The following YWHAG variants were observed in gnomAD, a reference collection of about 807,000 sequenced individuals.
YWHAG encodes the protein 14-3-3 protein gamma.
YWHAG carries 1 observed loss-of-function variant against 23.3 expected under a neutral mutation model. That is an observed-to-expected ratio of 0.04 (90% CI 0.02 to 0.20). The LOEUF (loss-of-function observed/expected upper bound fraction) is 0.20, where lower values mean the gene tolerates loss of function less well. YWHAG is among the 10% of genes least tolerant of loss of function. The pLI is 1.00. For synonymous variants in YWHAG, 160 were observed against 144.0 expected (o/e 1.11, Z -0.80); for missense variants, 151 against 338.6 (o/e 0.45, Z 4.35).
intron 1 of YWHAG, 102 bp from the exon 2 acceptor site, chr7:76,330,335 G>A (rs1313785189): frequency 1.6e-6 from 2 of 1,229,076 alleles, no homozygotes; most frequent in African/African-American, 1.5e-5. Context: ...GTAACATGAT[G>A]AACAGAAGGA....
intron 1 of YWHAG, among the ~76,000 whole-genome samples, chr7:76,341,513 C>T (rs1278762395): frequency 1.3e-5 from 2 of 150,472 alleles, no homozygotes; most frequent in African/African-American, 2.4e-5. Context: ...AAATGAGGAA[C>T]GGCTGAACAA....
intron 1 of YWHAG, among the ~76,000 whole-genome samples, chr7:76,348,632 C>T (rs1583991667): frequency 6.6e-6 from 1 of 151,998 alleles, no homozygotes; most frequent in South Asian, 2.1e-4. Flanking sequence ...TCTTGATCTC[C>T]TAACCTCGTG....
In YWHAG at chr7:76,357,700, C is replaced by T. The variant is rs1803981727; in HGVS notation, c.87+1022G>A. ...TAACAACCAAAAATTTTTAAAAAGA[C>T]TTTTTCCCCTTTAAAATAACTCCTC... On this transcript the variant is annotated intron_variant, in intron 1 of 1. Transcript: ENST00000307630. Among the ~76,000 whole-genome samples, 4 of 152,236 alleles carry T rather than the reference C, an allele frequency of 2.6e-5. No individual in the cohort carries two copies. In the South Asian group the frequency reaches 8.3e-4, roughly 32 times the overall value.
At chr7:76,349,156 C>CA (rs1235104410) in intron 1 of YWHAG, among the ~76,000 whole-genome samples, 1 of 151,830 alleles carries the variant, frequency 6.6e-6, no homozygotes, top group African/African-American at 2.4e-5. Context: ...TCCTGGCTAA[C>CA]ACGGTGAAAC....
At chr7:76,333,260 G>A (rs537455039) in intron 1 of YWHAG, among the ~76,000 whole-genome samples, 1 of 152,118 alleles carries the variant, frequency 6.6e-6, no homozygotes, top group South Asian at 2.1e-4. Flanking sequence ...GTGAGCCACT[G>A]CATCCAGCCA....
intron 1 of YWHAG, among the ~76,000 whole-genome samples, chr7:76,349,416 AATACACACACACACACACACACACACAG>A (rs1803838366): frequency 8.1e-6 from 1 of 123,122 alleles, no homozygotes; most frequent in South Asian, 2.6e-4. Context: ...ATCATTTATT[AATACACACACACACACACACACACACAG>A]ACACACACAC....
At chr7:76,335,633 C>T (rs1335383460) in intron 1 of YWHAG, among the ~76,000 whole-genome samples, 2 of 152,150 alleles carry the variant, frequency 1.3e-5, no homozygotes, top group Non-Finnish European at 2.9e-5. Flanking sequence ...TTCACAATTT[C>T]CTTATCTACC....
chr7:76,351,629 G>C (rs12534035), intron 1 of YWHAG, among the ~76,000 whole-genome samples: 76,695 of 151,804 alleles, frequency 0.51, 19,633 homozygotes, highest in East Asian at 0.77. Context: ...TCTCAAAGGA[G>C]TGCCAACTCT....
rs35137930 is a variant in YWHAG at position 76,336,451 on chromosome 7, CTTT to C, written c.88-6221_88-6219del. Among the ~76,000 whole-genome samples the C allele has an allele frequency of 5.1e-5, 6 of 116,708 alleles. No homozygotes were observed. In the East Asian group the frequency reaches 1.5e-3, roughly 30 times the overall value. The allele number at this position is 116,708 out of a possible 152,430, so 76.6% of individuals were successfully genotyped here. ...CCAAAACTGCTCTAAGAAAGTCTGG[CTTT>C]TTTTTTTTTTTTTTTTTCTGAGACA... On this transcript the variant is annotated intron_variant, in intron 1 of 1. Coordinates refer to ENST00000307630, the MANE Select transcript of YWHAG (RefSeq NM_012479.4).
intron 1 of YWHAG, among the ~76,000 whole-genome samples, chr7:76,340,742 T>A (rs1803680006): frequency 6.6e-6 from 1 of 152,208 alleles, no homozygotes; most frequent in Non-Finnish European, 1.5e-5. Context: ...CCCTTGCCAG[T>A]TCAGATGGGA....
chr7:76,334,073 G>A (rs1049361983), intron 1 of YWHAG, among the ~76,000 whole-genome samples: 8 of 152,218 alleles, frequency 5.3e-5, no homozygotes, highest in African/African-American at 1.2e-4. Flanking sequence ...TTTGGAACAC[G>A]CCCAGATGTT....
intron 1 of YWHAG, among the ~76,000 whole-genome samples, chr7:76,349,203 G>A (rs912971351): frequency 1.3e-5 from 2 of 151,840 alleles, no homozygotes; most frequent in Non-Finnish European, 2.9e-5. Flanking sequence ...TTAGCCGGGC[G>A]TGGTGGTGGG....
At chr7:76,332,284 C>T (rs1436111976) in intron 1 of YWHAG, among the ~76,000 whole-genome samples, 1 of 152,208 alleles carries the variant, frequency 6.6e-6, no homozygotes, top group Non-Finnish European at 1.5e-5. Context: ...AACACAGGCA[C>T]CTCGTGTCTC....
intron 1 of YWHAG, among the ~76,000 whole-genome samples, chr7:76,342,399 G>A (rs1803710867): frequency 6.6e-6 from 1 of 152,202 alleles, no homozygotes; most frequent in African/African-American, 2.4e-5. Context: ...CCTGCTGGGT[G>A]AAGGACGGTC....
chr7:76,335,103 G>A (rs1389393408), intron 1 of YWHAG, among the ~76,000 whole-genome samples: 1 of 152,052 alleles, frequency 6.6e-6, no homozygotes, highest in Non-Finnish European at 1.5e-5. Flanking sequence ...CTGTCACCAG[G>A]CTGGAGTGCA....
chr7:76,331,886 G>A (rs1051201055), intron 1 of YWHAG, among the ~76,000 whole-genome samples: 1 of 151,848 alleles, frequency 6.6e-6, no homozygotes, highest in Non-Finnish European at 1.5e-5. Flanking sequence ...GGGTATGCTT[G>A]GCAAAAGTGA....
intron 1 of YWHAG, among the ~76,000 whole-genome samples, chr7:76,337,242 T>A (rs1457868726): frequency 6.6e-6 from 1 of 152,152 alleles, no homozygotes; most frequent in Non-Finnish European, 1.5e-5. Context: ...CACCATTCCC[T>A]GATAAAGATG....
At chr7:76,346,790 G>C (rs146781175) in intron 1 of YWHAG, among the ~76,000 whole-genome samples, 24 of 152,082 alleles carry the variant, frequency 1.6e-4, no homozygotes, top group African/African-American at 5.5e-4. Context: ...TTAGATTATG[G>C]TCCTCTTCAG....
At chr7:76,348,226 T>C (rs1306712041) in intron 1 of YWHAG, among the ~76,000 whole-genome samples, 2 of 149,478 alleles carry the variant, frequency 1.3e-5, no homozygotes, top group African/African-American at 4.9e-5. Context: ...ACCCCTTTTC[T>C]AGAAAAAACA....
Sources: gnomAD v4.1 joint callset for allele counts (sites outside exome capture counted in the v4.1 genomes callset) on GRCh38, gnomAD v4.1.1 for gene constraint, MANE v1.5 for transcripts, NCBI Gene and HGNC (gene_info 2026-07-23, HGNC 2026-07-21) for gene names.